The following LRTM2 variants were observed in gnomAD, a reference collection of about 807,000 sequenced individuals.
LRTM2 encodes leucine-rich repeat and transmembrane domain-containing protein 2.
Under a neutral mutation model 28.1 loss-of-function variants are expected in LRTM2, and 18 were observed. That is an observed-to-expected ratio of 0.64 (90% confidence interval 0.44 to 0.95). LRTM2 has a LOEUF of 0.95. LRTM2 is among the 40% of genes least tolerant of loss of function. The probability of loss-of-function intolerance (pLI) is 0.00; values close to 1 mark genes in which losing one functional copy is unlikely to be tolerated. For missense variants in LRTM2, 436 were observed against 497.2 expected (o/e 0.88, Z 1.17); for synonymous variants, 250 against 218.7 (o/e 1.14, Z -1.26).
chr12:1,821,673 G>T (rs760140646), intron 1 of LRTM2, among the ~76,000 whole-genome samples: 4 of 152,172 alleles, frequency 2.6e-5, no homozygotes, highest in Admixed American at 6.5e-5. Flanking sequence ...CACACAGGGG[G>T]CATGGACACC....
chr12:1,830,948 G>A lies in LRTM2; in HGVS notation c.81G>A (p.Trp27Ter). 6.2e-7 allele frequency: 1 copy of A among 1,601,944 alleles called. No individual in the cohort carries two copies. Among genetic ancestry groups the A allele is most frequent in the Non-Finnish European group, 8.5e-7 (1 of 1,170,862 alleles). ...QWRQVSWITC[W>*]IALYAVEALP... The stretch of plus-strand genomic sequence containing the variant: ...CCTCCCACCAAGGGATCACCTGCTG[G>A]ATCGCCCTGTATGCTGTGGAGGCCC... Residue 27 changes from tryptophan to a stop codon, truncating the protein, a stop_gained, in exon 4 of 5, where the codon TGG becomes TGA. Coordinates refer to ENST00000299194, the MANE Select transcript of LRTM2 (RefSeq NM_001039029.3). LOFTEE classifies it high-confidence loss of function.
chr12:1,820,684 G>A lies in LRTM2; in HGVS notation c.-389G>A, dbSNP rs1372380409. On this transcript the variant is annotated 5_prime_UTR_variant, in exon 1 of 5. Transcript: ENST00000299194. The surrounding 1 kb of genome is among the most constrained non-coding windows in gnomAD (Gnocchi z 6.0). ...CCAGCCGCTGCTCCCGCTGAGTGGA[G>A]ACTCTGGCACCAGTGCCCACTGCGC... 1 of 152,410 alleles carries A rather than the reference G, an allele frequency of 6.6e-6. No individual in the cohort carries two copies. The highest frequency in any genetic ancestry group is 1.5e-5 in the Non-Finnish European group (1 of 68,124). 9.4% of individuals were successfully genotyped at this position (152,410 alleles called of 1,614,324 possible).
Position 1,828,967 on chromosome 12 carries a change from G to A in LRTM2, c.67+752G>A, listed in dbSNP as rs1169804990. On this transcript the variant is annotated intron_variant, in intron 3 of 4. Coordinates refer to ENST00000299194, the MANE Select transcript of LRTM2 (RefSeq NM_001039029.3). The surrounding 1 kb of genome is among the most constrained non-coding windows in gnomAD (Gnocchi z 4.2). ...GTGGCAGGGAGGAAACGGTCCCGCGGGACGGCATTCCGCCTGACTTCCCGC... is the reference window on the plus strand; with the variant it reads ...GTGGCAGGGAGGAAACGGTCCCGCGAGACGGCATTCCGCCTGACTTCCCGC... 6.6e-6 allele frequency among the ~76,000 whole-genome samples: 1 copy of A among 152,194 alleles called. No homozygotes were observed. The highest frequency in any genetic ancestry group is 1.5e-5 in the Non-Finnish European group (1 of 68,046).
chr12:1,830,963 T>A lies in LRTM2; in HGVS notation c.96T>A (p.Ala32=), dbSNP rs1429024585. The A allele has an allele frequency of 1.9e-6, 3 of 1,612,288 alleles. No homozygotes were observed. Among genetic ancestry groups the A allele is most frequent in the Admixed American group, 1.7e-5 (1 of 59,880 alleles). The part of the protein sequence containing the change: ...SWITCWIALY[A]VEALPTCPFS... ...TCACCTGCTGGATCGCCCTGTATGC[T>A]GTGGAGGCCCTCCCCACCTGCCCTT... Residue 32 remains alanine, a synonymous_variant, in exon 4 of 5, where the codon GCT becomes GCA. Coordinates refer to ENST00000299194, the MANE Select transcript of LRTM2 (RefSeq NM_001039029.3).
chr12:1,822,683 A>G (rs1412558018), intron 1 of LRTM2, among the ~76,000 whole-genome samples: 1 of 152,252 alleles, frequency 6.6e-6, no homozygotes, highest in Admixed American at 6.5e-5. Flanking sequence ...CCAGGAGGGT[A>G]TATGGCTGTT....
Position 1,834,126 on chromosome 12 carries a change from T to C in LRTM2, c.659-141T>C. The C allele has an allele frequency of 1.0e-6, 1 of 978,220 alleles. No homozygotes were observed. The highest frequency in any genetic ancestry group is 1.4e-6 in the Non-Finnish European group (1 of 691,688). 60.6% of individuals were successfully genotyped at this position (978,220 alleles called of 1,614,324 possible). A position where few individuals can be genotyped will look rare whatever the true frequency, so the allele number is the denominator to read the frequency against. On this transcript the variant is annotated intron_variant, in intron 4 of 4. Coordinates refer to ENST00000299194, the MANE Select transcript of LRTM2 (RefSeq NM_001039029.3). The surrounding 1 kb of genome is among the most constrained non-coding windows in gnomAD (Gnocchi z 7.6). ...GTTTTCCCTCCTCCGCTTCCTCTTC[T>C]ATAGATGGTGATTCCAGGATTGACT...
Position 1,834,242 on chromosome 12 carries a change from C to CT in LRTM2, c.659-25_659-24insT. The CT allele has an allele frequency of 6.5e-7, 1 of 1,527,668 alleles. No individual in the cohort carries two copies. Among genetic ancestry groups the CT allele is most frequent in the Non-Finnish European group, 8.8e-7 (1 of 1,136,124 alleles). 94.6% of individuals were successfully genotyped at this position (1,527,668 alleles called of 1,614,324 possible). A position where few individuals can be genotyped will look rare whatever the true frequency, so the allele number is the denominator to read the frequency against. ...TGCAAGTTCTAGATGCCTGGTCAGC[C>CT]CCTCTTTTTCTCTTCTGCATGTAGG... On this transcript the variant is annotated intron_variant, in intron 4 of 4. Coordinates refer to ENST00000299194, the MANE Select transcript of LRTM2 (RefSeq NM_001039029.3). The surrounding 1 kb of genome is among the most constrained non-coding windows in gnomAD (Gnocchi z 7.6).
Position 1,831,428 on chromosome 12 carries a change from A to G in LRTM2, c.561A>G (p.Leu187=), listed in dbSNP as rs2154447152. 1 of 1,614,060 alleles carries G rather than the reference A, an allele frequency of 6.2e-7. No individual in the cohort carries two copies. The highest frequency in any genetic ancestry group is 8.5e-7 in the Non-Finnish European group (1 of 1,180,016). ...TGGACCGGCTGACATTTGAACCCCT[A>G]GCAAACCTGCAGCTGCTGCAGGTCG... ...QNLDRLTFEP[L]ANLQLLQVGD... The change falls in exon 4 of 5, where the codon CTA becomes CTG. Residue 187 remains leucine, a synonymous_variant. Coordinates refer to ENST00000299194, the MANE Select transcript of LRTM2 (RefSeq NM_001039029.3).
chr12:1,835,526 C>G lies in LRTM2; in HGVS notation c.*805C>G, dbSNP rs989133135. 6.6e-6 allele frequency: 1 copy of G among 152,576 alleles called. No homozygotes were observed. Among genetic ancestry groups the G allele is most frequent in the African/African-American group, 2.4e-5 (1 of 41,454 alleles). The allele number at this position is 152,576 out of a possible 1,614,324, so 9.5% of individuals were successfully genotyped here. A position where few individuals can be genotyped will look rare whatever the true frequency, so the allele number is the denominator to read the frequency against. On this transcript the variant is annotated 3_prime_UTR_variant, in exon 5 of 5. Coordinates refer to ENST00000299194, the MANE Select transcript of LRTM2 (RefSeq NM_001039029.3). ...TTCCCCAGGGGTCTCCCTGAGACCACAGAGCCTCTCGCGTGCTCACTGCAA... is the reference window on the plus strand; with the variant it reads ...TTCCCCAGGGGTCTCCCTGAGACCAGAGAGCCTCTCGCGTGCTCACTGCAA...
In LRTM2 at chr12:1,834,504, A is replaced by G; in HGVS notation, c.896A>G (p.His299Arg). 1 of 1,607,508 alleles carries G rather than the reference A, an allele frequency of 6.2e-7. No individual in the cohort carries two copies. Among genetic ancestry groups the G allele is most frequent in the Non-Finnish European group, 8.5e-7 (1 of 1,179,854 alleles). ...PSTACPQKQR[H>R]RPASVRRAMG... Reference sequence around the variant, plus strand: ...ACAGCCTGCCCACAGAAGCAGAGGCACCGGCCGGCGAGCGTGAGGCGAGCC... The same window carrying G: ...ACAGCCTGCCCACAGAAGCAGAGGCGCCGGCCGGCGAGCGTGAGGCGAGCC... The change falls in exon 5 of 5, where the codon CAC becomes CGC. Residue 299 changes from histidine to arginine, a missense_variant. Transcript: ENST00000299194. This position sits in a 1 kb window ranked among gnomAD's most constrained non-coding sequence, Gnocchi z 7.6.
rs371260705 is a variant in LRTM2 at position 1,834,232 on chromosome 12, C to T, written c.659-35C>T. On this transcript the variant is annotated intron_variant, in intron 4 of 4. Coordinates refer to ENST00000299194, the MANE Select transcript of LRTM2 (RefSeq NM_001039029.3). The surrounding 1 kb of genome is among the most constrained non-coding windows in gnomAD (Gnocchi z 7.6). ...GGAGAGGGAGTGCAAGTTCTAGATG[C>T]CTGGTCAGCCCCTCTTTTTCTCTTC... The T allele has an allele frequency of 1.3e-6, 2 of 1,521,282 alleles. No individual in the cohort carries two copies. The highest frequency in any genetic ancestry group is 1.8e-6 in the Non-Finnish European group (2 of 1,134,146). The allele number at this position is 1,521,282 out of a possible 1,614,324, so 94.2% of individuals were successfully genotyped here. A position where few individuals can be genotyped will look rare whatever the true frequency, so the allele number is the denominator to read the frequency against.
At position 1,831,297 on chromosome 12, in the gene LRTM2, C is replaced by CA; in HGVS notation, c.431dup (p.His144GlnfsTer42). The CA allele has an allele frequency of 6.2e-7, 1 of 1,613,774 alleles. No homozygotes were observed. Among genetic ancestry groups the CA allele is most frequent in the Non-Finnish European group, 8.5e-7 (1 of 1,180,030 alleles). ...GCTGCGGCACTCGCCGCTGCTCCGC[C>CA]ACCTGGACCTGTCCATCAACGGCCT... On this transcript the variant is annotated frameshift_variant, in exon 4 of 5. Transcript: ENST00000299194. LOFTEE classifies it high-confidence loss of function.
rs1050770695 is a variant in LRTM2, at chr12:1,833,012, C to T, written c.659-1255C>T. 2.6e-5 allele frequency among the ~76,000 whole-genome samples: 4 copies of T among 152,174 alleles called. No individual in the cohort carries two copies. Among genetic ancestry groups the T allele is most frequent in the African/African-American group, 9.7e-5 (4 of 41,424 alleles). Reference sequence around the variant, plus strand: ...TGCTGCAGGCCACCGAGGTGTCAGCCGCACAGGGGAACTAGGCCGGGTGTC... The same window carrying T: ...TGCTGCAGGCCACCGAGGTGTCAGCTGCACAGGGGAACTAGGCCGGGTGTC... On this transcript the variant is annotated intron_variant, in intron 4 of 4. Coordinates refer to ENST00000299194, the MANE Select transcript of LRTM2 (RefSeq NM_001039029.3). This position sits in a 1 kb window ranked among gnomAD's most constrained non-coding sequence, Gnocchi z 4.2.
Position 1,829,804 on chromosome 12 carries a change from T to C in LRTM2, c.68-1131T>C, listed in dbSNP as rs1864536965. ...AGTTCTCTGGCTGGGGTCTTTTCTC[T>C]AGGCTGGGTGGAACTGACCTCGGCT... On this transcript the variant is annotated intron_variant, in intron 3 of 4. Coordinates refer to ENST00000299194, the MANE Select transcript of LRTM2 (RefSeq NM_001039029.3). The surrounding 1 kb of genome is among the most constrained non-coding windows in gnomAD (Gnocchi z 4.2). Among the ~76,000 whole-genome samples the C allele has an allele frequency of 6.6e-6, 1 of 151,826 alleles. No individual in the cohort carries two copies. The highest frequency in any genetic ancestry group is 2.4e-5 in the African/African-American group (1 of 41,382).
intron 2 of LRTM2, 97 bp downstream of exon 2, chr12:1,827,691 C>T (rs562788903): frequency 4.3e-4 from 67 of 155,396 alleles, no homozygotes; most frequent in South Asian, 6.1e-4. Flanking sequence ...CTGCTCACCT[C>T]GGAGAGATGA....
In LRTM2 at chr12:1,831,095, G is replaced by C. The variant is rs747673793; in HGVS notation, c.228G>C (p.Leu76Phe). The C allele has an allele frequency of 1.9e-6, 3 of 1,613,902 alleles. No individual in the cohort carries two copies. The African/African-American group carries it at 4.0e-5, about 22-fold the overall frequency. Residue 76 changes from leucine (L) to phenylalanine (F), a missense_variant, in exon 4 of 5, where the codon TTG becomes TTC. Transcript: ENST00000299194. ...CAGCCACCCGAACCCTCTTGCTCTT[G>C]AACAATAAGCTGAGTGCCCTGCCAA... Reference protein sequence around the residue: ...VPAATRTLLLLNNKLSALPSW... With the variant: ...VPAATRTLLLFNNKLSALPSW...
rs978483851 is a variant in LRTM2 at position 1,828,311 on chromosome 12, G to T, written c.67+96G>T. 2.7e-6 allele frequency: 3 copies of T among 1,111,150 alleles called. No homozygotes were observed. Among genetic ancestry groups the T allele is most frequent in the East Asian group, 5.7e-5 (2 of 34,804 alleles). 68.8% of individuals were successfully genotyped at this position (1,111,150 alleles called of 1,614,324 possible). On this transcript the variant is annotated intron_variant, in intron 3 of 4. Coordinates refer to ENST00000299194, the MANE Select transcript of LRTM2 (RefSeq NM_001039029.3). This position sits in a 1 kb window ranked among gnomAD's most constrained non-coding sequence, Gnocchi z 4.2. ...CATATGGGACCTTAGCCACACTCAG[G>T]CTGCAGGGAGGCCTACGCCAGATCT...
intron 1 of LRTM2, among the ~76,000 whole-genome samples, chr12:1,824,871 CAT>C (rs1425015118): frequency 6.6e-6 from 1 of 152,182 alleles, no homozygotes; most frequent in Non-Finnish European, 1.5e-5. Flanking sequence ...GTGCCACACA[CAT>C]ATGACTGGTG....
chr12:1,834,358 C>T lies in LRTM2; in HGVS notation c.750C>T (p.Cys250=), dbSNP rs142959308. The change falls in exon 5 of 5, where the codon TGC becomes TGT. Residue 250 remains cysteine, a synonymous_variant. Transcript: ENST00000299194. This position sits in a 1 kb window ranked among gnomAD's most constrained non-coding sequence, Gnocchi z 7.6. ...RMVPMEMFNY[C]SQLEDENSSA... ...TCCCCATGGAGATGTTCAACTACTG[C>T]TCCCAGCTGGAGGACGAGAATAGCT... The T allele has an allele frequency of 1.8e-5, 29 of 1,613,058 alleles. No individual in the cohort carries two copies. The African/African-American group carries it at 3.6e-4, about 20-fold the overall frequency.
Sources: allele counts gnomAD v4.1 joint callset (sites outside exome capture counted in the v4.1 genomes callset), GRCh38; gene constraint gnomAD v4.1.1; non-coding constraint Gnocchi (gnomAD v3.1); transcripts MANE v1.5; gene names NCBI Gene and HGNC (gene_info 2026-07-23, HGNC 2026-07-21).